LRP5: variants seen among roughly 807,000 people sequenced by gnomAD.
The protein encoded by LRP5 is low-density lipoprotein receptor-related protein 5.
In LRP5, 62 loss-of-function variants were observed where a neutral mutation model predicts 154.1. The ratio of observed to expected loss-of-function variants is 0.40; its 90% CI spans 0.33 to 0.50. LRP5 has a LOEUF of 0.50. Ranked by LOEUF, LRP5 falls within the 20% of genes least tolerant of loss-of-function variation. The pLI, the probability that LRP5 is intolerant of heterozygous loss-of-function variation, is 0.55. For synonymous variants in LRP5, 966 were observed against 1,011.5 expected (o/e 0.96, Z 0.85); for missense variants, 1,915 against 2,336.7 (o/e 0.82, Z 3.72).
intron 5 of LRP5, among the ~76,000 whole-genome samples, chr11:68,371,038 G>A (rs569225275): frequency 1.3e-5 from 2 of 152,218 alleles, no homozygotes; most frequent in East Asian, 1.9e-4. Flanking sequence ...GGCCCCACCC[G>A]CTTCCCGTTA....
intron 1 of LRP5, among the ~76,000 whole-genome samples, chr11:68,315,707 T>C (rs1005782875): frequency 6.6e-6 from 1 of 152,208 alleles, no homozygotes; most frequent in African/African-American, 2.4e-5. Context: ...GAGCTTCCCA[T>C]GTAGAGGGGA....
Position 68,363,959 on chromosome 11 carries a change from G to A in LRP5, c.883+16G>A. On this transcript the variant is annotated intron_variant, in intron 4 of 22. Coordinates refer to ENST00000294304, the MANE Select transcript of LRP5 (RefSeq NM_002335.4). ...CAGCCTTTCTGTGAGTGCCGGCTGG[G>A]GCGCGGGGGCGAGGGTGCGGGGGCT... 1 of 1,585,958 alleles carries A rather than the reference G, an allele frequency of 6.3e-7. No individual in the cohort carries two copies. The highest frequency in any genetic ancestry group is 8.6e-7 in the Non-Finnish European group (1 of 1,164,958).
intron 5 of LRP5, among the ~76,000 whole-genome samples, chr11:68,380,599 C>T (rs2153149200): frequency 6.6e-6 from 1 of 152,354 alleles, no homozygotes; most frequent in African/African-American, 2.4e-5. Context: ...TCGGGATCTG[C>T]TGCACGCACG....
intron 7 of LRP5, among the ~76,000 whole-genome samples, chr11:68,398,349 C>T (rs568432004): frequency 7.0e-4 from 107 of 152,334 alleles, no homozygotes; most frequent in African/African-American, 2.4e-3. Flanking sequence ...TGGCAGCCGG[C>T]GGCCGGCCCA....
chr11:68,440,030 G>C, intron 21 of LRP5, 114 bp downstream of exon 21: 2 of 893,232 alleles, frequency 2.2e-6, no homozygotes, highest in Non-Finnish European at 3.3e-6. Context: ...CACCGCCTCT[G>C]AGGCATGCTT....
intron 14 of LRP5, among the ~76,000 whole-genome samples, chr11:68,424,197 C>T (rs2098667401): frequency 6.6e-6 from 1 of 152,158 alleles, no homozygotes; most frequent in African/African-American, 2.4e-5. Context: ...ACCCATGTGA[C>T]ATGAAACTCA....
At chr11:68,339,065 G>A (rs1337595600) in intron 1 of LRP5, among the ~76,000 whole-genome samples, 1 of 151,216 alleles carries the variant, frequency 6.6e-6, no homozygotes, top group African/African-American at 2.4e-5. Context: ...GTAGAGATGG[G>A]GTTTCACCGT....
intron 8 of LRP5, 131 bp from the exon 9 acceptor site, chr11:68,406,393 C>A: frequency 1.0e-6 from 1 of 969,464 alleles, no homozygotes; most frequent in Non-Finnish European, 1.7e-6. Context: ...GGACCTGACC[C>A]GGGGGTGAGT....
intron 5 of LRP5, among the ~76,000 whole-genome samples, chr11:68,370,782 C>T (rs1240281788): frequency 6.6e-6 from 1 of 152,184 alleles, no homozygotes; most frequent in East Asian, 1.9e-4. Flanking sequence ...CCTGCTTGGG[C>T]GAGACTCTGG....
At chr11:68,362,960 C>T (rs796402118) in intron 3 of LRP5, among the ~76,000 whole-genome samples, 8 of 152,278 alleles carry the variant, frequency 5.3e-5, no homozygotes, top group African/African-American at 1.9e-4. Flanking sequence ...TGCACATTAC[C>T]GACCACGTCA....
chr11:68,433,300 G>C (rs1328656380), intron 17 of LRP5, among the ~76,000 whole-genome samples: 1 of 152,238 alleles, frequency 6.6e-6, no homozygotes, highest in Non-Finnish European at 1.5e-5. Context: ...TGTAGCGCCT[G>C]CTGCTTAAAG....
intron 1 of LRP5, among the ~76,000 whole-genome samples, chr11:68,329,047 T>A (rs1565320455): frequency 6.6e-6 from 1 of 152,202 alleles, no homozygotes; most frequent in Non-Finnish European, 1.5e-5. Context: ...GCTTCAGAAG[T>A]ACCACCTTAG....
intron 9 of LRP5, among the ~76,000 whole-genome samples, chr11:68,409,041 C>A (rs2098657337): frequency 2.6e-5 from 2 of 78,078 alleles, no homozygotes; most frequent in African/African-American, 6.3e-5. Flanking sequence ...CAGAGCAAGA[C>A]TTATCTGGGG....
intron 7 of LRP5, among the ~76,000 whole-genome samples, chr11:68,401,109 C>A (rs2098652401): frequency 6.6e-6 from 1 of 152,170 alleles, no homozygotes; most frequent in Non-Finnish European, 1.5e-5. Context: ...GAGAAGCCTG[C>A]ACTTCTTCAT....
At chr11:68,448,728 C>T (rs535380336) in intron 22 of LRP5, 81 bp from the exon 23 acceptor site, 82 of 1,559,706 alleles carry the variant, frequency 5.3e-5, no homozygotes, top group African/African-American at 1.6e-4. Flanking sequence ...AGGCCTTTCC[C>T]GTTCACAGCC....
intron 5 of LRP5, among the ~76,000 whole-genome samples, chr11:68,371,673 G>A (rs534247035): frequency 5.9e-5 from 9 of 152,366 alleles, no homozygotes; most frequent in South Asian, 2.1e-4. Context: ...CTGACGGGAC[G>A]CCTCGCCTCG....
Position 68,409,907 on chromosome 11 carries a change from C to A in LRP5, c.2092-7C>A. On this transcript the variant is annotated splice_polypyrimidine_tract_variant and splice_region_variant and intron_variant, in intron 9 of 22. Transcript: ENST00000294304. ...ATGTGGCCCTTTTCCTCCTCACCTG[C>A]TGCCAGACCATCAGCCGCGCCTTCA... 6.2e-7 allele frequency: 1 copy of A among 1,610,100 alleles called. No individual in the cohort carries two copies. The highest frequency in any genetic ancestry group is 8.5e-7 in the Non-Finnish European group (1 of 1,176,730).
intron 1 of LRP5, among the ~76,000 whole-genome samples, chr11:68,335,227 C>T (rs888189211): frequency 1.3e-5 from 2 of 151,924 alleles, no homozygotes; most frequent in African/African-American, 2.4e-5. Flanking sequence ...TAGGCATGCA[C>T]CACCACACCT....
chr11:68,346,381 G>A (rs994863441), intron 1 of LRP5, among the ~76,000 whole-genome samples: 3 of 152,258 alleles, frequency 2.0e-5, no homozygotes, highest in African/African-American at 7.2e-5. Flanking sequence ...GGAGGGGCCA[G>A]GATTTGAGCC....
Sources: allele counts gnomAD v4.1 joint callset (sites outside exome capture counted in the v4.1 genomes callset), GRCh38; gene constraint gnomAD v4.1.1; transcripts MANE v1.5; gene names NCBI Gene and HGNC (gene_info 2026-07-23, HGNC 2026-07-21).